CSMD1: variants seen among roughly 807,000 people sequenced by gnomAD.
CSMD1 encodes CUB and sushi domain-containing protein 1.
Under a neutral mutation model 417.5 loss-of-function variants are expected in CSMD1, and 213 were observed. The observed-to-expected ratio is 0.51, with a 90% CI of 0.46 to 0.57. The LOEUF (loss-of-function observed/expected upper bound fraction) is 0.57, where lower values mean the gene tolerates loss of function less well. CSMD1 is among the 20% of genes least tolerant of loss of function. The probability of loss-of-function intolerance (pLI) is 0.00; values close to 1 mark genes in which losing one functional copy is unlikely to be tolerated. For synonymous variants in CSMD1, 2,862 were observed against 1,736.8 expected (o/e 1.65, Z -16.11); for missense variants, 6,923 against 4,529.7 (o/e 1.53, Z -15.17).
chr8:3,823,325 G>T (rs550579179), intron 5 of CSMD1, among the ~76,000 whole-genome samples: 73 of 152,274 alleles, frequency 4.8e-4, no homozygotes, highest in Non-Finnish European at 7.3e-4. Context: ...GGGTGCATGT[G>T]TAACAGGGAC....
intron 1 of CSMD1, among the ~76,000 whole-genome samples, chr8:4,864,990 A>T (rs892494510): frequency 6.6e-6 from 1 of 151,068 alleles, no homozygotes; most frequent in Non-Finnish European, 1.5e-5. Flanking sequence ...TAATTTGAAA[A>T]TTTAGTCTGA....
At chr8:4,080,205 G>A (rs534331781) in intron 3 of CSMD1, among the ~76,000 whole-genome samples, 3 of 152,090 alleles carry the variant, frequency 2.0e-5, no homozygotes, top group Admixed American at 6.5e-5. Context: ...TAGCTCCCCA[G>A]TAGTAATAGT....
intron 3 of CSMD1, among the ~76,000 whole-genome samples, chr8:4,120,922 T>G (rs889803904): frequency 6.6e-6 from 1 of 152,168 alleles, no homozygotes. Flanking sequence ...TCTGTTCCTA[T>G]GTGCCTGAAA....
chr8:4,895,039 T>C (rs1804385211), intron 1 of CSMD1, among the ~76,000 whole-genome samples: 1 of 152,226 alleles, frequency 6.6e-6, no homozygotes, highest in African/African-American at 2.4e-5. Context: ...TTTTCATTGA[T>C]AAGAATATCT....
At chr8:4,425,620 A>G (rs1305454990) in intron 2 of CSMD1, among the ~76,000 whole-genome samples, 2 of 152,146 alleles carry the variant, frequency 1.3e-5, no homozygotes, top group African/African-American at 4.8e-5. Context: ...CCTTTCCATG[A>G]GGGCCCTTGC....
chr8:3,443,554 C>T (rs28465534), intron 12 of CSMD1, among the ~76,000 whole-genome samples: 18,003 of 152,110 alleles, frequency 0.12, 1,121 homozygotes, highest in Middle Eastern at 0.16. Context: ...TTAGTATTTA[C>T]AGGGGGAAAG....
At chr8:3,395,268 TA>T (rs905681885) in intron 17 of CSMD1, among the ~76,000 whole-genome samples, 1 of 152,152 alleles carries the variant, frequency 6.6e-6, no homozygotes, top group African/African-American at 2.4e-5. Context: ...TTTGGCAAAA[TA>T]AAAGTCTGAT....
intron 5 of CSMD1, among the ~76,000 whole-genome samples, chr8:3,781,637 T>A (rs1237878189): frequency 6.6e-6 from 1 of 152,190 alleles, no homozygotes. Flanking sequence ...CTATAGTTGA[T>A]GATTGTCCCT....
intron 5 of CSMD1, among the ~76,000 whole-genome samples, chr8:3,844,604 G>C (rs1375281977): frequency 6.6e-6 from 1 of 152,080 alleles, no homozygotes; most frequent in Non-Finnish European, 1.5e-5. Flanking sequence ...AAAGGCAAGG[G>C]GGTGTCCTCC....
chr8:3,261,352 T>C lies in CSMD1; in HGVS notation c.4153+22792A>G, dbSNP rs142124235. Among the ~76,000 whole-genome samples the C allele has an allele frequency of 2.9e-3, 447 of 152,310 alleles. 6 individuals are homozygous for C. Among genetic ancestry groups the C allele is most frequent in the African/African-American group, 0.01 (434 of 41,574 alleles). ...AATTCTGCAATTGCATTCTTGGGCA[T>C]TTATCTCAGAGAAATAGAAACTTAC... On this transcript the variant is annotated intron_variant, in intron 26 of 69. Coordinates refer to ENST00000635120, the MANE Select transcript of CSMD1 (RefSeq NM_033225.6).
intron 5 of CSMD1, among the ~76,000 whole-genome samples, chr8:3,886,027 A>G (rs1020912883): frequency 6.6e-6 from 1 of 151,950 alleles, no homozygotes; most frequent in Non-Finnish European, 1.5e-5. Flanking sequence ...ATATATATAC[A>G]TACATATATA....
intron 4 of CSMD1, among the ~76,000 whole-genome samples, chr8:4,014,056 A>G (rs1796403678): frequency 6.6e-6 from 1 of 152,204 alleles, no homozygotes; most frequent in African/African-American, 2.4e-5. Flanking sequence ...TTGGAAATCA[A>G]AGGCAATAAA....
At chr8:4,990,202 T>C (rs1811388810) in intron 1 of CSMD1, among the ~76,000 whole-genome samples, 1 of 152,286 alleles carries the variant, frequency 6.6e-6, no homozygotes, top group South Asian at 2.1e-4. Flanking sequence ...AAAGACTCCC[T>C]TTTGCGACTA....
At chr8:3,965,173 G>C (rs1342884103) in intron 5 of CSMD1, among the ~76,000 whole-genome samples, 1 of 152,180 alleles carries the variant, frequency 6.6e-6, no homozygotes, top group African/African-American at 2.4e-5. Context: ...AACAGTAAGA[G>C]TTCATAACAA....
At chr8:4,286,197 C>G (rs557688649) in intron 3 of CSMD1, among the ~76,000 whole-genome samples, 4 of 152,086 alleles carry the variant, frequency 2.6e-5, no homozygotes, top group African/African-American at 9.7e-5. Flanking sequence ...TTCTTTTCTC[C>G]CGACTGCAAA....
At chr8:3,255,895 C>T (rs1046685794) in intron 26 of CSMD1, among the ~76,000 whole-genome samples, 10 of 152,270 alleles carry the variant, frequency 6.6e-5, no homozygotes, top group East Asian at 1.9e-4. Context: ...TTCCGACACT[C>T]GCCAGTGAGA....
chr8:4,532,754 CCATT>C (rs1054969311), intron 2 of CSMD1, among the ~76,000 whole-genome samples: 2 of 147,512 alleles, frequency 1.4e-5, no homozygotes, highest in Non-Finnish European at 3.0e-5. Flanking sequence ...TCCTGCACCC[CCATT>C]CAGTCACTCC....
intron 1 of CSMD1, among the ~76,000 whole-genome samples, chr8:4,804,119 G>A (rs1413115217): frequency 5.3e-5 from 8 of 152,170 alleles, no homozygotes; most frequent in African/African-American, 1.4e-4. Context: ...CCACAATAAC[G>A]AGAAACTATT....
intron 5 of CSMD1, among the ~76,000 whole-genome samples, chr8:3,854,690 G>A (rs1246698525): frequency 6.6e-6 from 1 of 151,840 alleles, no homozygotes; most frequent in Non-Finnish European, 1.5e-5. Flanking sequence ...TGGGCGAGAA[G>A]GGAGTCGGGA....
Sources: gnomAD v4.1 joint callset for allele counts (sites outside exome capture counted in the v4.1 genomes callset) on GRCh38, gnomAD v4.1.1 for gene constraint, MANE v1.5 for transcripts, NCBI Gene and HGNC (gene_info 2026-07-23, HGNC 2026-07-21) for gene names.